The following CELSR1 variants were observed in gnomAD, a reference collection of about 807,000 sequenced individuals.
CELSR1 encodes cadherin EGF LAG seven-pass G-type receptor 1, also known as adhesion G protein-coupled receptor C1.
Under a neutral mutation model 249.1 loss-of-function variants are expected in CELSR1, and 110 were observed. The observed-to-expected ratio is 0.44, with a 90% confidence interval of 0.38 to 0.52. The LOEUF (loss-of-function observed/expected upper bound fraction) is 0.52. Among genes scored for constraint, CELSR1 ranks in the 20% least tolerant of loss-of-function variants. The pLI is 0.00. For missense variants in CELSR1, 4,109 were observed against 4,296.4 expected (o/e 0.96, Z 1.22); for synonymous variants, 2,113 against 1,900.0 (o/e 1.11, Z -2.92).
chr22:46,411,902 G>A lies in CELSR1; in HGVS notation c.4612-143C>T. The A allele has an allele frequency of 9.7e-7, 1 of 1,031,812 alleles. No homozygotes were observed. Among genetic ancestry groups the A allele is most frequent in the Non-Finnish European group, 1.4e-6 (1 of 696,846 alleles). 63.9% of individuals were successfully genotyped at this position (1,031,812 alleles called of 1,614,324 possible). A position where few individuals can be genotyped will look rare whatever the true frequency, so the allele number is the denominator to read the frequency against. On this transcript the variant is annotated intron_variant, in intron 5 of 34. Coordinates refer to ENST00000674500, the MANE Select transcript of CELSR1 (RefSeq NM_001378328.1). This position sits in a 1 kb window ranked among gnomAD's most constrained non-coding sequence, Gnocchi z 4.2. ...AGGGATGAGGAGCCCCCGGCCTTTA[G>A]TTCCCCAAACTAGCTGTGCTGGGCT... is the stretch of plus-strand genomic sequence containing the variant.
chr22:46,485,442 CAA>C (rs1274126614), intron 1 of CELSR1, among the ~76,000 whole-genome samples: 1 of 152,146 alleles, frequency 6.6e-6, no homozygotes, highest in Non-Finnish European at 1.5e-5. Flanking sequence ...AAGATTCAAG[CAA>C]AGACTCAAAG....
At position 46,536,308 on chromosome 22, in the gene CELSR1, A is replaced by G; in HGVS notation, c.863T>C (p.Phe288Ser). The change falls in exon 1 of 35, where the codon TTC becomes TCC. Residue 288 changes from phenylalanine (F) to serine (S), a missense_variant. Physicochemically the swap from Phe to Ser is radical, Grantham distance 155 (BLOSUM62 -2). Transcript: ENST00000674500. ...GAAGTAGCCCCGGGAGCGCTCGTCG[A>G]ACAGCCCCTCCATGTAATAGCTCAC... ...ERVSYYMEGL[F>S]DERSRGYFRI... 1 of 1,612,750 alleles carries G rather than the reference A, an allele frequency of 6.2e-7. No homozygotes were observed. Among genetic ancestry groups the G allele is most frequent in the Non-Finnish European group, 8.5e-7 (1 of 1,179,914 alleles).
intron 2 of CELSR1, among the ~76,000 whole-genome samples, chr22:46,456,424 C>G (rs1331625315): frequency 6.6e-6 from 1 of 152,104 alleles, no homozygotes; most frequent in Non-Finnish European, 1.5e-5. Context: ...CTTTGGGAGG[C>G]CAAGGCGGGC....
chr22:46,442,197 G>A (rs1338210630), intron 2 of CELSR1, among the ~76,000 whole-genome samples: 1 of 152,234 alleles, frequency 6.6e-6, no homozygotes, highest in East Asian at 1.9e-4. Context: ...AAGGGTAGGT[G>A]CTGAGGTATA....
intron 1 of CELSR1, among the ~76,000 whole-genome samples, chr22:46,465,359 C>A (rs1317463756): frequency 1.4e-4 from 21 of 152,134 alleles, no homozygotes; most frequent in Non-Finnish European, 5.9e-5. Flanking sequence ...AGAGCTCCCA[C>A]CCTGGTTTCC....
In CELSR1 at chr22:46,445,732, G is replaced by A. The variant is rs2079811507; in HGVS notation, c.4184-6321C>T. Among the ~76,000 whole-genome samples the A allele has an allele frequency of 6.6e-6, 1 of 152,208 alleles. No homozygotes were observed. Among genetic ancestry groups the A allele is most frequent in the African/African-American group, 2.4e-5 (1 of 41,462 alleles). ...ACATTCTAGCCTCTGCAAACCCGGT[G>A]CCCCGAGAGCAGCAGCGCCTGGCTG... On this transcript the variant is annotated intron_variant, in intron 2 of 34. Coordinates refer to ENST00000674500, the MANE Select transcript of CELSR1 (RefSeq NM_001378328.1). The surrounding 1 kb of genome is among the most constrained non-coding windows in gnomAD (Gnocchi z 4.4).
At chr22:46,444,597 G>A (rs565647996) in intron 2 of CELSR1, among the ~76,000 whole-genome samples, 5 of 152,330 alleles carry the variant, frequency 3.3e-5, no homozygotes, top group African/African-American at 7.2e-5. Context: ...TTTTTAATGC[G>A]GAGTTGTATT....
chr22:46,536,016 G>A lies in CELSR1; in HGVS notation c.1155C>T (p.Asn385=), dbSNP rs574010942. The A allele has an allele frequency of 4.1e-5, 66 of 1,610,674 alleles. No homozygotes were observed. Among genetic ancestry groups the A allele is most frequent in the East Asian group, 2.2e-4 (10 of 44,878 alleles). ...IRASDRDSPI[N]ANLRYRVLGG... is the part of the protein sequence containing the mutation. ...CCAACACGCGGTAACGCAAGTTGGC[G>A]TTGATGGGCGAGTCGCGGTCGCTGG... The change falls in exon 1 of 35, where the codon AAC becomes AAT. Residue 385 remains asparagine (N), a synonymous_variant. Coordinates refer to ENST00000674500, the MANE Select transcript of CELSR1 (RefSeq NM_001378328.1).
intron 5 of CELSR1, among the ~76,000 whole-genome samples, chr22:46,415,642 T>C (rs2079391184): frequency 6.6e-6 from 1 of 151,746 alleles, no homozygotes; most frequent in Non-Finnish European, 1.5e-5. Flanking sequence ...AAAAAAAAGA[T>C]TCCTGGGTGG....
chr22:46,443,255 C>G (rs1199840198), intron 2 of CELSR1, among the ~76,000 whole-genome samples: 2 of 152,230 alleles, frequency 1.3e-5, no homozygotes, highest in Admixed American at 1.3e-4. Context: ...CCCGAGGGCT[C>G]ACAGGCACCA....
Position 46,375,433 on chromosome 22 carries a change from G to A in CELSR1, c.7584+1628C>T, listed in dbSNP as rs147161272. 2.7e-3 allele frequency among the ~76,000 whole-genome samples: 408 copies of A among 151,750 alleles called. 2 individuals are homozygous for A. The highest frequency in any genetic ancestry group is 0.027 in the South Asian group (128 of 4,800). ...TTGGTCCTGTCCCTCCTTTCTCCCC[G>A]TGCCCAGTGCCCTGGCTTCAGTTCT... On this transcript the variant is annotated intron_variant, in intron 24 of 34. Coordinates refer to ENST00000674500, the MANE Select transcript of CELSR1 (RefSeq NM_001378328.1).
rs567764041 is a variant in CELSR1 at position 46,409,324 on chromosome 22, C to T, written c.5060-162G>A. 8.6e-5 allele frequency among the ~76,000 whole-genome samples: 13 copies of T among 151,896 alleles called. No homozygotes were observed. The highest frequency in any genetic ancestry group is 1.8e-4 in the Non-Finnish European group (12 of 67,760). ...CCCTCTGTGACGCATCCAGCCCTCACAGTCAGCCACGTGGGCTCCAGAGAA... is the reference window on the plus strand; with the variant it reads ...CCCTCTGTGACGCATCCAGCCCTCATAGTCAGCCACGTGGGCTCCAGAGAA... On this transcript the variant is annotated intron_variant, in intron 8 of 34. Coordinates refer to ENST00000674500, the MANE Select transcript of CELSR1 (RefSeq NM_001378328.1). This position sits in a 1 kb window ranked among gnomAD's most constrained non-coding sequence, Gnocchi z 9.8.
chr22:46,366,458 G>C lies in CELSR1; in HGVS notation c.8228C>G (p.Thr2743Ser). The C allele has an allele frequency of 6.4e-7, 1 of 1,550,428 alleles. No homozygotes were observed. Among genetic ancestry groups the C allele is most frequent in the South Asian group, 1.2e-5 (1 of 84,072 alleles). ...CAGCATGTCAGGCCCGTCACCGAAG[G>C]TGGTGTTGCAGTTGAGGGAGCGCTG... ...LLTRSLNCNTTFGDGPDMLRT... is the reference protein window; with the variant it reads ...LLTRSLNCNTSFGDGPDMLRT... Residue 2743 changes from threonine to serine, a missense_variant, in exon 30 of 35, where the codon ACC becomes AGC. By Grantham distance (58) the Thr-to-Ser change is moderately conservative. Coordinates refer to ENST00000674500, the MANE Select transcript of CELSR1 (RefSeq NM_001378328.1).
intron 2 of CELSR1, among the ~76,000 whole-genome samples, chr22:46,459,285 C>T (rs1020378857): frequency 6.6e-6 from 1 of 152,102 alleles, no homozygotes; most frequent in South Asian, 2.1e-4. Flanking sequence ...GTCCTAAGGC[C>T]AGTCCTGATT....
Position 46,517,570 on chromosome 22 carries a change from G to C in CELSR1, c.3544+16057C>G, listed in dbSNP as rs969549087. On this transcript the variant is annotated intron_variant, in intron 1 of 34. Coordinates refer to ENST00000674500, the MANE Select transcript of CELSR1 (RefSeq NM_001378328.1). This position sits in a 1 kb window ranked among gnomAD's most constrained non-coding sequence, Gnocchi z 5.4. The stretch of plus-strand genomic sequence containing the variant: ...CACAGTAAGGTGCCCCTGCAGACAC[G>C]CCGCAAAACACGCCCCTGAGCTTCC... Among the ~76,000 whole-genome samples, 1 of 152,134 alleles carries C rather than the reference G, an allele frequency of 6.6e-6. No homozygotes were observed.
intron 1 of CELSR1, among the ~76,000 whole-genome samples, chr22:46,465,511 G>A (rs1217022461): frequency 6.6e-6 from 1 of 152,190 alleles, no homozygotes; most frequent in Non-Finnish European, 1.5e-5. Flanking sequence ...AAGTGTCTGG[G>A]CCTTTGGAGG....
rs1182962113 is a variant in CELSR1 at position 46,448,788 on chromosome 22, C to T, written c.4184-9377G>A. Among the ~76,000 whole-genome samples the T allele has an allele frequency of 6.6e-6, 1 of 152,082 alleles. No individual in the cohort carries two copies. The highest frequency in any genetic ancestry group is 2.4e-5 in the African/African-American group (1 of 41,392). On this transcript the variant is annotated intron_variant, in intron 2 of 34. Coordinates refer to ENST00000674500, the MANE Select transcript of CELSR1 (RefSeq NM_001378328.1). The surrounding 1 kb of genome is among the most constrained non-coding windows in gnomAD (Gnocchi z 5.7). ...ACAAAACCTGAAGTCAACTCAAAGC[C>T]CCATCAAAGAGCTCAGTCCTAACAC...
intron 1 of CELSR1, among the ~76,000 whole-genome samples, chr22:46,513,816 G>A (rs1349940216): frequency 6.6e-6 from 1 of 152,084 alleles, no homozygotes; most frequent in East Asian, 1.9e-4. Flanking sequence ...TTTTGAGACG[G>A]AGTCTTGCTC....
At chr22:46,523,026 C>A (rs1170823220) in intron 1 of CELSR1, among the ~76,000 whole-genome samples, 2 of 152,242 alleles carry the variant, frequency 1.3e-5, no homozygotes, top group Non-Finnish European at 1.5e-5. Flanking sequence ...ATGATGAAAA[C>A]CGCCCTGCAA....
Sources: allele counts gnomAD v4.1 joint callset (sites outside exome capture counted in the v4.1 genomes callset), GRCh38; gene constraint gnomAD v4.1.1; non-coding constraint Gnocchi (gnomAD v3.1); transcripts MANE v1.5; gene names NCBI Gene and HGNC (gene_info 2026-07-23, HGNC 2026-07-21).